The following TTN variants were observed in gnomAD, a reference collection of about 807,000 sequenced individuals.
The protein encoded by TTN is titin.
Under a neutral mutation model 3,223.0 loss-of-function variants are expected in TTN, and 1,525 were observed. The ratio of observed to expected loss-of-function variants is 0.47; its 90% CI spans 0.45 to 0.49. TTN has a LOEUF of 0.49. Among genes scored for constraint, TTN ranks in the 20% least tolerant of loss-of-function variants. The pLI, the probability that TTN is intolerant of heterozygous loss-of-function variation, is 0.00. For synonymous variants in TTN, 14,094 were observed against 15,161.0 expected (o/e 0.93, Z 5.17); for missense variants, 40,786 against 43,424.0 (o/e 0.94, Z 5.40).
rs938347047 is a variant in TTN, at chr2:178,612,157, G to C, written c.50254C>G (p.Pro16752Ala). ...ACTGCCAGGGCGTAGGGTGGTCCAGGAGTGGCTGAAAATAAAATAAACAAT... is the reference window on the plus strand; with the variant it reads ...ACTGCCAGGGCGTAGGGTGGTCCAGCAGTGGCTGAAAATAAAATAAACAAT... ...SVLAKDTFTTPGPPYALAVVD... is the reference protein window; with the variant it reads ...SVLAKDTFTTAGPPYALAVVD... The change falls in exon 267 of 363, where the codon CCT becomes GCT. Residue 16752 changes from proline to alanine, a missense_variant. Transcript: ENST00000589042. 16 of 1,608,404 alleles carry C rather than the reference G, an allele frequency of 9.9e-6. No homozygotes were observed. The highest frequency in any genetic ancestry group is 5.1e-5 in the Admixed American group (3 of 58,988).
chr2:178,753,349 C>T (rs1450063195), intron 46 of TTN, 169 bp from the exon 47 acceptor site: 1 of 533,250 alleles, frequency 1.9e-6, no homozygotes, highest in Non-Finnish European at 3.3e-6. Context: ...GCTGATAAAA[C>T]ACATGACAAT....
chr2:178,702,705 G>C (rs771004496), intron 106 of TTN, 42 bp from the exon 107 acceptor site: 2 of 1,534,516 alleles, frequency 1.3e-6, no homozygotes. Context: ...ATTATATAGA[G>C]AGGAATTTCT....
Position 178,560,950 on chromosome 2 carries a change from A to G in TTN, c.85182T>C (p.Asp28394=). The change falls in exon 326 of 363, where the codon GAT becomes GAC. Residue 28394 remains aspartate, a synonymous_variant. Transcript: ENST00000589042. ...TTGCTCTTTCTTCAATTTCTATACC[A>G]TCCTTGGCCCAGGAAATTACTGGCA... The part of the protein sequence containing the change: ...RPLPVISWAK[D]GIEIEERART... 6.2e-7 allele frequency: 1 copy of G among 1,613,662 alleles called. No homozygotes were observed. Among genetic ancestry groups the G allele is most frequent in the South Asian group, 1.1e-5 (1 of 91,078 alleles).
rs773427145 is a variant in TTN at position 178,569,407 on chromosome 2, A to G, written c.76725T>C (p.Asp25575=). The G allele has an allele frequency of 3.1e-6, 5 of 1,613,188 alleles. No individual in the cohort carries two copies. The African/African-American group carries it at 4.0e-5, about 13-fold the overall frequency. ...SLVLDNVNRY[D]SGKYTLTLEN... is the part of the protein sequence containing the mutation. ...CTAATGTAAGCGTATATTTTCCACTATCATATCGGTTGACATTGTCAAGAA... is the reference window on the plus strand; with the variant it reads ...CTAATGTAAGCGTATATTTTCCACTGTCATATCGGTTGACATTGTCAAGAA... The change falls in exon 326 of 363, where the codon GAT becomes GAC. Residue 25575 remains aspartate (D), a synonymous_variant. Transcript: ENST00000589042.
At position 178,531,014 on chromosome 2, in the gene TTN, C is replaced by T. The variant is rs397517797; in HGVS notation, c.105601G>A (p.Val35201Met). 34 of 1,613,802 alleles carry T rather than the reference C, an allele frequency of 2.1e-5. No individual in the cohort carries two copies. The highest frequency in any genetic ancestry group is 1.8e-4 in the Admixed American group (11 of 59,992). Residue 35201 changes from valine to methionine, a missense_variant, in exon 358 of 363, where the codon GTG becomes ATG. Coordinates refer to ENST00000589042, the MANE Select transcript of TTN (RefSeq NM_001267550.2). ...VQASDEGNYSVVVENSEGKQE... is the reference protein window; with the variant it reads ...VQASDEGNYSMVVENSEGKQE... ...TTCCCTTCACTGTTTTCTACCACCA[C>T]GCTGTAATTGCCCTCATCGGAAGCC...
chr2:178,781,285 T>C (rs755252296), intron 20 of TTN, 22 bp from the exon 21 acceptor site: 5 of 1,613,342 alleles, frequency 3.1e-6, no homozygotes, highest in African/African-American at 1.3e-5. Flanking sequence ...TGTACAAAAT[T>C]TAAAAATCAG....
At chr2:178,640,163 C>T in intron 221 of TTN, 53 bp from the exon 222 acceptor site, 1 of 1,566,912 alleles carries the variant, frequency 6.4e-7, no homozygotes, top group East Asian at 2.3e-5. Context: ...TGAAGTTTTT[C>T]ACAAAGTCAA....
At chr2:178,786,888 A>G (rs2093223170) in intron 13 of TTN, among the ~76,000 whole-genome samples, 1 of 152,218 alleles carries the variant, frequency 6.6e-6, no homozygotes. Context: ...TAAAGCAAAG[A>G]ATGAAACAAA....
chr2:178,738,014 T>C (rs991247816), intron 49 of TTN, 68 bp downstream of exon 49: 5 of 1,561,556 alleles, frequency 3.2e-6, no homozygotes, highest in Middle Eastern at 1.7e-4. Context: ...CCCACACATG[T>C]ACAGAAAGCA....
intron 223 of TTN, among the ~76,000 whole-genome samples, chr2:178,637,882 A>T (rs1000644129): frequency 4.6e-5 from 7 of 152,038 alleles, no homozygotes; most frequent in African/African-American, 1.7e-4. Context: ...AAATCCAGGG[A>T]AGACTAAGGA....
At chr2:178,771,501 C>T in intron 33 of TTN, 30 bp from the exon 34 acceptor site, 11 of 1,613,528 alleles carry the variant, frequency 6.8e-6, no homozygotes, top group Admixed American at 1.7e-5. Flanking sequence ...CAGTATGAGT[C>T]CTTTAAACAT....
Position 178,610,323 on chromosome 2 carries a change from C to G in TTN, c.51203G>C (p.Trp17068Ser). The change falls in exon 271 of 363, where the codon TGG becomes TCG. Residue 17068 changes from tryptophan to serine, a missense_variant. Transcript: ENST00000589042. ...DITKSSCKLT[W>S]EPPEFDGGTP... ...TCCACCATCAAATTCTGGAGGTTCC[C>G]AAGTTAACTTACAAGAACTCTTGGT... is the stretch of plus-strand genomic sequence containing the variant. 1 of 1,612,838 alleles carries G rather than the reference C, an allele frequency of 6.2e-7. No homozygotes were observed. The highest frequency in any genetic ancestry group is 8.5e-7 in the Non-Finnish European group (1 of 1,179,204).
At position 178,562,414 on chromosome 2, in the gene TTN, C is replaced by G; in HGVS notation, c.83718G>C (p.Gly27906=). 1 of 1,612,618 alleles carries G rather than the reference C, an allele frequency of 6.2e-7. No homozygotes were observed. Among genetic ancestry groups the G allele is most frequent in the Non-Finnish European group, 8.5e-7 (1 of 1,179,410 alleles). ...GTGTGCAGGTGCTCCACTTTTCACT[C>G]CCTTTAGTCTGCATTTCAACCACAT... ...TGYVVEMQTK[G]SEKWSTCTQV... The change falls in exon 326 of 363, where the codon GGG becomes GGC. Residue 27906 remains glycine (G), a synonymous_variant. Coordinates refer to ENST00000589042, the MANE Select transcript of TTN (RefSeq NM_001267550.2).
chr2:178,635,840 T>G, intron 226 of TTN, 123 bp downstream of exon 226: 2 of 1,507,624 alleles, frequency 1.3e-6, no homozygotes, highest in South Asian at 2.6e-5. Context: ...CACTGTAGGA[T>G]ATATTGTTAT....
chr2:178,675,908 G>T lies in TTN; in HGVS notation c.34453+13C>A. ...GAAATGGCATAGTCTAATTTACTTCGGAATAGCAATACCTTTGGCAGGGGG... is the reference window on the plus strand; with the variant it reads ...GAAATGGCATAGTCTAATTTACTTCTGAATAGCAATACCTTTGGCAGGGGG... On this transcript the variant is annotated intron_variant, in intron 148 of 362. Transcript: ENST00000589042. The T allele has an allele frequency of 6.2e-7, 1 of 1,603,880 alleles. No homozygotes were observed. Among genetic ancestry groups the T allele is most frequent in the Non-Finnish European group, 8.5e-7 (1 of 1,174,424 alleles).
At chr2:178,638,756 G>T (rs1015219931) in intron 223 of TTN, among the ~76,000 whole-genome samples, 1 of 151,296 alleles carries the variant, frequency 6.6e-6, no homozygotes, top group Non-Finnish European at 1.5e-5. Flanking sequence ...TTTTATTTTT[G>T]GTTTTGTTGT....
chr2:178,723,297 C>G lies in TTN; in HGVS notation c.21710G>C (p.Ser7237Thr), dbSNP rs769315703. ...CTTCCCTGGTTCTACAGAATGATCACTTAATCTCTTCAAAAATGCAGCTGG... is the reference window on the plus strand; with the variant it reads ...CTTCCCTGGTTCTACAGAATGATCAGTTAATCTCTTCAAAAATGCAGCTGG... ...KEPAAFLKRL[S>T]DHSVEPGKSI... is the part of the protein sequence containing the mutation. The change falls in exon 75 of 363, where the codon AGT becomes ACT. Residue 7237 changes from serine (S) to threonine (T), a missense_variant. Ser to Thr is a moderately conservative substitution (Grantham distance 58, BLOSUM62 1). Transcript: ENST00000589042. 2 of 1,612,500 alleles carry G rather than the reference C, an allele frequency of 1.2e-6. No individual in the cohort carries two copies. Among genetic ancestry groups the G allele is most frequent in the African/African-American group, 1.3e-5 (1 of 74,796 alleles).
chr2:178,609,226 A>C lies in TTN; in HGVS notation c.52084T>G (p.Cys17362Gly). 1 of 1,520,508 alleles carries C rather than the reference A, an allele frequency of 6.6e-7. No homozygotes were observed. Among genetic ancestry groups the C allele is most frequent in the East Asian group, 2.3e-5 (1 of 43,796 alleles). 94.2% of individuals were successfully genotyped at this position (1,520,508 alleles called of 1,614,324 possible). A position where few individuals can be genotyped will look rare whatever the true frequency, so the allele number is the denominator to read the frequency against. Reference protein sequence around the residue: ...ENDHGIAKAPCTVSVLDTPGP... With the variant: ...ENDHGIAKAPGTVSVLDTPGP... ...GACTCACCTAACACACTGACAGTACAAGGAGCTTTTGCAATACCGTGGTCA... is the reference window on the plus strand; with the variant it reads ...GACTCACCTAACACACTGACAGTACCAGGAGCTTTTGCAATACCGTGGTCA... The change falls in exon 273 of 363, where the codon TGT becomes GGT. Residue 17362 changes from cysteine to glycine, a missense_variant. Transcript: ENST00000589042.
rs748598599 is a variant in TTN, at chr2:178,548,806, C to T, written c.92820G>A (p.Gly30940=). ...NFKQTHVVRA[G]ASIRLFIAYQ... The stretch of plus-strand genomic sequence containing the variant: ...AGGCAATGAAGAGGCGAATACTGGC[C>T]CCAGCTCTAACAACATGAGTCTGTT... Residue 30940 remains glycine, a synonymous_variant, in exon 339 of 363, where the codon GGG becomes GGA. Transcript: ENST00000589042. This position sits in a 1 kb window ranked among gnomAD's most constrained non-coding sequence, Gnocchi z 4.3. 5.0e-6 allele frequency: 8 copies of T among 1,612,526 alleles called. No individual in the cohort carries two copies. In the African/African-American group the frequency reaches 9.3e-5, roughly 19 times the overall value.
Sources: gnomAD v4.1 joint callset for allele counts (sites outside exome capture counted in the v4.1 genomes callset) on GRCh38, gnomAD v4.1.1 for gene constraint, Gnocchi (gnomAD v3.1) non-coding constraint, MANE v1.5 for transcripts, NCBI Gene and HGNC (gene_info 2026-07-23, HGNC 2026-07-21) for gene names.